RBM39: variants seen among roughly 807,000 people sequenced by gnomAD.
RBM39 encodes the protein RNA binding motif protein 39, also known as RNA-binding protein 39.
A neutral mutation model predicts 79.6 loss-of-function variants in RBM39; 12 were observed. The ratio of observed to expected loss-of-function variants is 0.15; its 90% CI spans 0.10 to 0.24. The LOEUF (loss-of-function observed/expected upper bound fraction) is 0.24. Among genes scored for constraint, RBM39 ranks in the 10% least tolerant of loss-of-function variants. The probability of loss-of-function intolerance (pLI) is 1.00; values close to 1 mark genes in which losing one functional copy is unlikely to be tolerated. For synonymous variants in RBM39, 185 were observed against 208.4 expected (o/e 0.89, Z 0.97); for missense variants, 243 against 653.4 (o/e 0.37, Z 6.85).
At chr20:35,711,837 C>A (rs140997914) in intron 12 of RBM39, among the ~76,000 whole-genome samples, 1 of 152,098 alleles carries the variant, frequency 6.6e-6, no homozygotes, top group Non-Finnish European at 1.5e-5. Flanking sequence ...AGTCTCACTT[C>A]GTATATATAT....
intron 3 of RBM39, chr20:35,735,002 C>T (rs2039756352): frequency 6.2e-7 from 1 of 1,610,734 alleles, no homozygotes; most frequent in Non-Finnish European, 8.5e-7. Context: ...GTTATATGGC[C>T]TCTGCAGTAA....
rs189103908 is a variant in RBM39 at position 35,703,597 on chromosome 20, G to A, written c.*884C>T. On this transcript the variant is annotated 3_prime_UTR_variant, in exon 17 of 17. Transcript: ENST00000253363. ...TGTAACTTTAAAACATTTGAAAAAT[G>A]AAGATCTCCTGTGGCCTTTTTAAGA... 1 of 152,734 alleles carries A rather than the reference G, an allele frequency of 6.5e-6. No homozygotes were observed. Among genetic ancestry groups the A allele is most frequent in the African/African-American group, 2.4e-5 (1 of 41,572 alleles). 9.5% of individuals were successfully genotyped at this position (152,734 alleles called of 1,614,324 possible).
intron 2 of RBM39, chr20:35,739,403 T>C: frequency 4.2e-6 from 2 of 472,202 alleles, no homozygotes; most frequent in Non-Finnish European, 8.8e-6. Context: ...CATGGCTCTA[T>C]TTCTGCCTAA....
rs879212458 is a variant in RBM39 at position 35,734,198 on chromosome 20, T to C, written c.102-2063A>G. 14 of 1,302,424 alleles carry C rather than the reference T, an allele frequency of 1.1e-5. No individual in the cohort carries two copies. In the South Asian group the frequency reaches 1.6e-4, roughly 15 times the overall value. The allele number at this position is 1,302,424 out of a possible 1,614,324, so 80.7% of individuals were successfully genotyped here. Reference sequence around the variant, plus strand: ...TGAAGACACCCACCTTCTGGAATCTTGAAACCCACACTCCAATCACAAGGA... The same window carrying C: ...TGAAGACACCCACCTTCTGGAATCTCGAAACCCACACTCCAATCACAAGGA... On this transcript the variant is annotated intron_variant, in intron 3 of 16. Coordinates refer to ENST00000253363, the MANE Select transcript of RBM39 (RefSeq NM_184234.3).
At chr20:35,714,992 TCTC>T (rs1364033365) in intron 10 of RBM39, among the ~76,000 whole-genome samples, 5 of 152,318 alleles carry the variant, frequency 3.3e-5, no homozygotes, top group East Asian at 1.9e-4. Context: ...TCATAAATTT[TCTC>T]CTTTCACCAG....
chr20:35,707,898 G>A (rs961933049), intron 13 of RBM39: 26 of 465,278 alleles, frequency 5.6e-5, no homozygotes, highest in Admixed American at 9.7e-5. Context: ...ATGCTTTCAC[G>A]TGATTTACAA....
chr20:35,728,934 G>A (rs1181531442), intron 6 of RBM39, among the ~76,000 whole-genome samples: 1 of 151,814 alleles, frequency 6.6e-6, no homozygotes, highest in African/African-American at 2.4e-5. Context: ...AAAATAGCGA[G>A]GCATGGTGGT....
chr20:35,717,515 A>C (rs143230673), intron 9 of RBM39, among the ~76,000 whole-genome samples: 282 of 152,332 alleles, frequency 1.9e-3, no homozygotes, highest in African/African-American at 6.4e-3. Context: ...AGTAATTTCC[A>C]ATTATACCAG....
At position 35,722,457 on chromosome 20, in the gene RBM39, G is replaced by GTTT. The variant is rs1423718184; in HGVS notation, c.688-581_688-580insAAA. Reference sequence around the variant, plus strand: ...ATAAAAATAAAAAGTTTATTTAGAGGCTTTTTTTTTTTTTTTTTTGAGACA... The same window carrying GTTT: ...ATAAAAATAAAAAGTTTATTTAGAGGTTTCTTTTTTTTTTTTTTTTTTGAGACA... On this transcript the variant is annotated intron_variant, in intron 8 of 16. Coordinates refer to ENST00000253363, the MANE Select transcript of RBM39 (RefSeq NM_184234.3). Among the ~76,000 whole-genome samples, 360 of 131,246 alleles carry GTTT rather than the reference G, an allele frequency of 2.7e-3. 7 individuals carry two copies. In the East Asian group the frequency reaches 0.028, roughly 10 times the overall value. 86.1% of individuals were successfully genotyped at this position (131,246 alleles called of 152,430 possible).
intron 9 of RBM39, among the ~76,000 whole-genome samples, chr20:35,717,232 A>G (rs2037251617): frequency 6.6e-6 from 1 of 151,904 alleles, no homozygotes; most frequent in African/African-American, 2.4e-5. Context: ...ATGACCCCAG[A>G]GCACGCCACT....
intron 6 of RBM39, among the ~76,000 whole-genome samples, chr20:35,727,452 G>A: frequency 6.8e-6 from 1 of 146,824 alleles, no homozygotes; most frequent in East Asian, 2.0e-4. Flanking sequence ...AATATTCCTT[G>A]AACCGAAATC....
At chr20:35,733,557 C>T (rs1456976294) in intron 3 of RBM39, among the ~76,000 whole-genome samples, 2 of 151,292 alleles carry the variant, frequency 1.3e-5, no homozygotes, top group Non-Finnish European at 2.9e-5. Flanking sequence ...TGGAGTGAGC[C>T]GAAATCATGC....
At chr20:35,734,828 A>T (rs2039737704) in intron 3 of RBM39, 7 of 1,398,388 alleles carry the variant, frequency 5.0e-6, no homozygotes, top group Middle Eastern at 1.9e-4. Flanking sequence ...AGCTTCAAAG[A>T]GCATTTATTA....
chr20:35,716,005 T>C (rs978520163), intron 10 of RBM39, among the ~76,000 whole-genome samples: 1 of 152,360 alleles, frequency 6.6e-6, no homozygotes, highest in South Asian at 2.1e-4. Context: ...AGTGTCATGT[T>C]TGCATGGCCT....
At chr20:35,739,139 A>G in intron 2 of RBM39, 122 bp from the exon 3 acceptor site, 1 of 863,480 alleles carries the variant, frequency 1.2e-6, no homozygotes, top group Non-Finnish European at 1.9e-6. Flanking sequence ...ATTTACTTAT[A>G]GTTTAACATG....
At chr20:35,734,213 A>G in intron 3 of RBM39, 2 of 1,303,812 alleles carry the variant, frequency 1.5e-6, no homozygotes, top group Non-Finnish European at 2.0e-6. Flanking sequence ...CCCACACTCC[A>G]ATCACAAGGA....
intron 9 of RBM39, among the ~76,000 whole-genome samples, chr20:35,720,234 T>C (rs2037733062): frequency 6.6e-6 from 1 of 152,204 alleles, no homozygotes; most frequent in Non-Finnish European, 1.5e-5. Context: ...AACACAGAAC[T>C]AGTTGGACAC....
intron 4 of RBM39, among the ~76,000 whole-genome samples, chr20:35,730,258 G>A (rs575649255): frequency 6.6e-6 from 1 of 152,292 alleles, no homozygotes; most frequent in Non-Finnish European, 1.5e-5. Flanking sequence ...TTATTCTGTA[G>A]TAACAGTTTT....
intron 10 of RBM39, among the ~76,000 whole-genome samples, chr20:35,716,262 C>T (rs1260082762): frequency 1.3e-5 from 2 of 152,008 alleles, no homozygotes; most frequent in African/African-American, 4.8e-5. Context: ...TTACTAGAGA[C>T]GGGGTTTCGC....
Sources: allele counts gnomAD v4.1 joint callset (sites outside exome capture counted in the v4.1 genomes callset), GRCh38; gene constraint gnomAD v4.1.1; transcripts MANE v1.5; gene names NCBI Gene and HGNC (gene_info 2026-07-23, HGNC 2026-07-21).